The following KCNIP1 variants were observed in gnomAD, a reference collection of about 807,000 sequenced individuals.
KCNIP1 encodes the protein potassium voltage-gated channel interacting protein 1.
In KCNIP1, 18 loss-of-function variants were observed where a neutral mutation model predicts 33.0. The observed-to-expected ratio is 0.55, with a 90% confidence interval of 0.38 to 0.81. The LOEUF (loss-of-function observed/expected upper bound fraction) is 0.81. KCNIP1 is among the 30% of genes least tolerant of loss of function. KCNIP1 has a pLI of 0.00. For missense variants in KCNIP1, 238 were observed against 271.6 expected, an observed-to-expected ratio of 0.88 and a Z score of 0.87; for synonymous variants, 93 against 98.3, an observed-to-expected ratio of 0.95 and a Z score of 0.32.
chr5:170,360,462 G>A (rs1272926488), intron 1 of KCNIP1, among the ~76,000 whole-genome samples: 1 of 152,144 alleles, frequency 6.6e-6, no homozygotes, highest in Non-Finnish European at 1.5e-5. Flanking sequence ...TGGGACATGT[G>A]ACAGGCACAG....
chr5:170,387,466 G>A (rs1561599211), intron 1 of KCNIP1, among the ~76,000 whole-genome samples: 1 of 152,200 alleles, frequency 6.6e-6, no homozygotes, highest in Non-Finnish European at 1.5e-5. Context: ...AGAGACCAGG[G>A]TCAGGCACCA....
rs1024262359 is a variant in KCNIP1, at chr5:170,605,926, C to T, written c.61+101293C>T. On this transcript the variant is annotated intron_variant, in intron 1 of 7. Coordinates refer to ENST00000328939, the MANE Select transcript of KCNIP1 (RefSeq NM_014592.4). ...TGTAGCTGGGATTACAGGCACGTAC[C>T]ACCACACCTGGCTAAGTTTTGTATT... 2.6e-5 allele frequency among the ~76,000 whole-genome samples: 4 copies of T among 152,224 alleles called. No individual in the cohort carries two copies. The East Asian group carries it at 7.7e-4, about 29-fold the overall frequency.
intron 1 of KCNIP1, among the ~76,000 whole-genome samples, chr5:170,414,051 T>C (rs1186571118): frequency 6.6e-6 from 1 of 151,970 alleles, no homozygotes; most frequent in Non-Finnish European, 1.5e-5. Context: ...TTAATGGGCA[T>C]GGAGTGTCAG....
chr5:170,660,088 T>A (rs569124558), intron 1 of KCNIP1, among the ~76,000 whole-genome samples: 2 of 152,126 alleles, frequency 1.3e-5, no homozygotes, highest in East Asian at 1.9e-4. Context: ...CCAAAGAACA[T>A]AGGACATTAC....
chr5:170,603,511 A>G (rs143190108), intron 1 of KCNIP1, among the ~76,000 whole-genome samples: 2 of 152,350 alleles, frequency 1.3e-5, no homozygotes, highest in East Asian at 3.9e-4. Context: ...CCCCGGATGC[A>G]CAGAGCTCAA....
intron 7 of KCNIP1, among the ~76,000 whole-genome samples, chr5:170,735,436 T>C (rs1444799069): frequency 6.6e-6 from 1 of 152,232 alleles, no homozygotes; most frequent in East Asian, 1.9e-4. Context: ...AATTGGTCAG[T>C]GTAATTAATC....
intron 1 of KCNIP1, among the ~76,000 whole-genome samples, chr5:170,628,972 C>A (rs563082261): frequency 1.3e-5 from 2 of 152,324 alleles, no homozygotes; most frequent in South Asian, 4.1e-4. Context: ...ACAAGCCCAC[C>A]CTGTGCCTCG....
Position 170,727,812 on chromosome 5 carries a change from G to A in KCNIP1, c.436-4988G>A, listed in dbSNP as rs187049470. Among the ~76,000 whole-genome samples the A allele has an allele frequency of 3.6e-3, 543 of 151,846 alleles. 2 individuals carry two copies. Among genetic ancestry groups the A allele is most frequent in the African/African-American group, 0.012 (499 of 41,422 alleles). ...AAAAATTACCTGGGTGTAGTGGCAC[G>A]TGCCTGTGCTCCCAGCTACTCCAGA... On this transcript the variant is annotated intron_variant, in intron 5 of 7. Coordinates refer to ENST00000328939, the MANE Select transcript of KCNIP1 (RefSeq NM_014592.4).
intron 1 of KCNIP1, among the ~76,000 whole-genome samples, chr5:170,596,916 C>T (rs1403098686): frequency 6.6e-6 from 1 of 152,242 alleles, no homozygotes; most frequent in Non-Finnish European, 1.5e-5. Flanking sequence ...GTAGTGTGAG[C>T]TCACGCTGAG....
intron 1 of KCNIP1, among the ~76,000 whole-genome samples, chr5:170,394,787 C>T (rs778529543): frequency 8.5e-5 from 13 of 152,126 alleles, no homozygotes; most frequent in Admixed American, 6.5e-5. Flanking sequence ...TCTATTATTC[C>T]TGTCTTTATG....
At chr5:170,623,457 C>T (rs1330602435) in intron 1 of KCNIP1, among the ~76,000 whole-genome samples, 1 of 152,116 alleles carries the variant, frequency 6.6e-6, no homozygotes, top group African/African-American at 2.4e-5. Flanking sequence ...AGTGATCCGC[C>T]CACCTCAGCC....
rs143898728 is a variant in KCNIP1, at chr5:170,355,645, A to G, written c.88+1681A>G. ...TCCAAACAGTGACATCTAAGCTGAG[A>G]TGAGGAGAGGCAGGGCTGAGAAGGT... On this transcript the variant is annotated intron_variant, in intron 1 of 7. Coordinates refer to the KCNIP1 transcript ENST00000377360. Among the ~76,000 whole-genome samples, 179 of 152,336 alleles carry G rather than the reference A, an allele frequency of 1.2e-3. 1 individual carries two copies. The Middle Eastern group carries it at 0.041, about 35-fold the overall frequency.
chr5:170,459,011 GA>G lies in KCNIP1; in HGVS notation c.88+105051del, dbSNP rs1484324351. Among the ~76,000 whole-genome samples, 4 of 151,954 alleles carry G rather than the reference GA, an allele frequency of 2.6e-5. No homozygotes were observed. The East Asian group carries it at 7.7e-4, about 29-fold the overall frequency. On this transcript the variant is annotated intron_variant, in intron 1 of 7. Coordinates refer to the KCNIP1 transcript ENST00000377360. ...CAAATAAACTTAAGGTAAAGGGGTG[GA>G]AAAGACATTCTATGCAAATGGAGTA...
intron 1 of KCNIP1, among the ~76,000 whole-genome samples, chr5:170,617,319 A>G (rs1759419714): frequency 6.6e-6 from 1 of 151,930 alleles, no homozygotes; most frequent in South Asian, 2.1e-4. Context: ...AAAGACAAAA[A>G]GGCCGGATAA....
chr5:170,361,170 G>A lies in KCNIP1; in HGVS notation c.88+7206G>A, dbSNP rs142517780. Reference sequence around the variant, plus strand: ...TCAGGTGAGGCGGCGGTTCTTCCCCGTTGTCCACCTGCACCCCACCCAGAA... The same window carrying A: ...TCAGGTGAGGCGGCGGTTCTTCCCCATTGTCCACCTGCACCCCACCCAGAA... On this transcript the variant is annotated intron_variant, in intron 1 of 7. Coordinates refer to the KCNIP1 transcript ENST00000377360. Among the ~76,000 whole-genome samples the A allele has an allele frequency of 2.2e-3, 339 of 152,314 alleles. 3 individuals carry two copies. Among genetic ancestry groups the A allele is most frequent in the African/African-American group, 7.7e-3 (320 of 41,576 alleles).
At chr5:170,355,443 G>A (rs1208123266) in intron 1 of KCNIP1, among the ~76,000 whole-genome samples, 4 of 152,240 alleles carry the variant, frequency 2.6e-5, no homozygotes, top group African/African-American at 4.8e-5. Context: ...GGTAATGGGT[G>A]TGGGGCAGCA....
At chr5:170,574,375 G>T (rs541875837) in intron 1 of KCNIP1, among the ~76,000 whole-genome samples, 14 of 152,304 alleles carry the variant, frequency 9.2e-5, no homozygotes, top group African/African-American at 3.4e-4. Flanking sequence ...ATTTAAGAAA[G>T]ATTAAGCAAA....
In KCNIP1 at chr5:170,719,402, C is replaced by T. The variant is rs556388351; in HGVS notation, c.186+520C>T. 3.4e-3 allele frequency among the ~76,000 whole-genome samples: 525 copies of T among 152,314 alleles called. 3 individuals are homozygous for T. Among genetic ancestry groups the T allele is most frequent in the African/African-American group, 0.012 (495 of 41,558 alleles). On this transcript the variant is annotated intron_variant, in intron 2 of 7. Transcript: ENST00000328939. Reference sequence around the variant, plus strand: ...TACAATCAAAAGTGGAGTCAGAGGACGGGAGTTCCTTGTTTAGTTGTTACT... The same window carrying T: ...TACAATCAAAAGTGGAGTCAGAGGATGGGAGTTCCTTGTTTAGTTGTTACT...
intron 1 of KCNIP1, among the ~76,000 whole-genome samples, chr5:170,493,691 G>A (rs1007097688): frequency 1.3e-5 from 2 of 152,226 alleles, no homozygotes; most frequent in Admixed American, 1.3e-4. Context: ...CATGTGTTAA[G>A]AGTGGTGTTT....
Sources: allele counts gnomAD v4.1 joint callset (sites outside exome capture counted in the v4.1 genomes callset), GRCh38; gene constraint gnomAD v4.1.1; transcripts MANE v1.5; gene names NCBI Gene and HGNC (gene_info 2026-07-23, HGNC 2026-07-21).